SCFD1: variants seen among roughly 807,000 people sequenced by gnomAD.
The protein encoded by SCFD1 is sec1 family domain-containing protein 1.
SCFD1 carries 37 observed loss-of-function variants against 103.2 expected under a neutral mutation model. The ratio of observed to expected loss-of-function variants is 0.36; its 90% CI spans 0.28 to 0.47. The LOEUF (loss-of-function observed/expected upper bound fraction) is 0.47, where lower values mean the gene tolerates loss of function less well. Among genes scored for constraint, SCFD1 ranks in the 20% least tolerant of loss-of-function variants. The probability of loss-of-function intolerance (pLI) is 1.00; values close to 1 mark genes in which losing one functional copy is unlikely to be tolerated. For synonymous variants in SCFD1, 264 were observed against 245.0 expected (o/e 1.08, Z -0.73); for missense variants, 639 against 761.2 (o/e 0.84, Z 1.89).
At chr14:30,658,027 G>A (rs907092866) in intron 10 of SCFD1, 1 of 450,742 alleles carries the variant, frequency 2.2e-6, no homozygotes, top group Non-Finnish European at 4.5e-6. Context: ...TGGGATATAA[G>A]AAGCAAAATT....
Position 30,700,244 on chromosome 14 carries a change from C to A in SCFD1, c.1396C>A (p.Gln466Lys). Residue 466 changes from glutamine to lysine, a missense_variant, in exon 16 of 25, where the codon CAA becomes AAA. Coordinates refer to ENST00000458591, the MANE Select transcript of SCFD1 (RefSeq NM_016106.4). ...TCTTATCTATTATATAAGCACACAG[C>A]AAGCACCTTCTGAGGTATGTCCTTT... ...LFLIYYISTQQAPSEADLEQY... is the reference protein window; with the variant it reads ...LFLIYYISTQKAPSEADLEQY... 6.2e-7 allele frequency: 1 copy of A among 1,605,304 alleles called. No individual in the cohort carries two copies. Among genetic ancestry groups the A allele is most frequent in the Non-Finnish European group, 8.5e-7 (1 of 1,172,158 alleles).
At chr14:30,710,085 G>A (rs1029340095) in intron 19 of SCFD1, among the ~76,000 whole-genome samples, 1 of 152,036 alleles carries the variant, frequency 6.6e-6, no homozygotes, top group Non-Finnish European at 1.5e-5. Flanking sequence ...TATGATACCT[G>A]TAAAAGACAT....
chr14:30,638,263 G>C lies in SCFD1; in HGVS notation c.435+16G>C, dbSNP rs1243955820. The C allele has an allele frequency of 1.2e-6, 2 of 1,612,618 alleles. No homozygotes were observed. The highest frequency in any genetic ancestry group is 1.7e-6 in the Non-Finnish European group (2 of 1,179,236). ...AGTAGCCAAGGTAAGAGAGTTTGGT[G>C]GGTTGATGACATTTTGTCAATGTAA... On this transcript the variant is annotated intron_variant, in intron 5 of 24. Transcript: ENST00000458591.
intron 10 of SCFD1, among the ~76,000 whole-genome samples, chr14:30,663,693 A>C (rs1271372410): frequency 1.3e-5 from 2 of 152,228 alleles, no homozygotes; most frequent in Non-Finnish European, 2.9e-5. Flanking sequence ...GATAGAATCT[A>C]ATTCCACTCA....
intron 15 of SCFD1, among the ~76,000 whole-genome samples, chr14:30,697,471 C>A (rs1310980810): frequency 6.6e-6 from 1 of 152,154 alleles, no homozygotes; most frequent in African/African-American, 2.4e-5. Flanking sequence ...TTTCAGAATA[C>A]CTCCCCACAA....
rs750864377 is a variant in SCFD1 at position 30,649,550 on chromosome 14, T to C, written c.636T>C (p.Cys212=). 1.1e-5 allele frequency: 17 copies of C among 1,575,742 alleles called. 1 individual carries two copies. In the South Asian group the frequency reaches 2.0e-4, roughly 19 times the overall value. ...TAGGTGCTGTTCCTATAATCAGATG[T>C]TCAAGAGGAACAGCAGCAGAAATGG... ...VTLGAVPIIR[C]SRGTAAEMVA... The change falls in exon 8 of 25, where the codon TGT becomes TGC. Residue 212 remains cysteine (C), a synonymous_variant. Transcript: ENST00000458591.
In SCFD1 at chr14:30,653,526, A is replaced by G; in HGVS notation, c.793A>G (p.Ile265Val). The G allele has an allele frequency of 6.2e-7, 1 of 1,613,764 alleles. No homozygotes were observed. The highest frequency in any genetic ancestry group is 1.3e-5 in the African/African-American group (1 of 75,044). ...RPLLVLVDRN[I>V]DLATPLHHTW... ...CTTATTAGTCCTTGTTGACAGAAAC[A>G]TAGATTTGGCAACTCCTTTACATCA... The change falls in exon 10 of 25, where the codon ATA becomes GTA. Residue 265 changes from isoleucine (I) to valine (V), a missense_variant. Ile to Val is a conservative substitution (Grantham distance 29). Transcript: ENST00000458591.
chr14:30,640,822 A>G (rs1198585105), intron 6 of SCFD1, among the ~76,000 whole-genome samples: 2 of 152,138 alleles, frequency 1.3e-5, no homozygotes, highest in African/African-American at 2.4e-5. Context: ...AAATATTCGT[A>G]TACTTATAAG....
chr14:30,627,106 G>T (rs1170942165), intron 1 of SCFD1, among the ~76,000 whole-genome samples: 1 of 152,124 alleles, frequency 6.6e-6, no homozygotes, highest in African/African-American at 2.4e-5. Context: ...ATTACAACTA[G>T]TATACTCTCT....
At chr14:30,717,889 A>AAAG (rs199795081) in intron 20 of SCFD1, among the ~76,000 whole-genome samples, 2,342 of 148,070 alleles carry the variant, frequency 0.016, 69 homozygotes, top group African/African-American at 0.057. Flanking sequence ...GCCTCAAAAA[A>AAAG]AAGAAAAAAA....
intron 10 of SCFD1, among the ~76,000 whole-genome samples, chr14:30,657,254 C>T (rs1566603362): frequency 6.6e-6 from 1 of 152,008 alleles, no homozygotes; most frequent in Non-Finnish European, 1.5e-5. Flanking sequence ...AGATAAGACA[C>T]ATGTACAAAT....
At chr14:30,722,842 C>CAA (rs56169449) in intron 23 of SCFD1, 3,857 of 181,050 alleles carry the variant, frequency 0.021, 51 homozygotes, top group Middle Eastern at 0.03. Flanking sequence ...GACCTCTTCC[C>CAA]AAAAAAAAAA....
At chr14:30,634,362 A>G (rs1488110968) in intron 4 of SCFD1, among the ~76,000 whole-genome samples, 1 of 152,178 alleles carries the variant, frequency 6.6e-6, no homozygotes, top group African/African-American at 2.4e-5. Flanking sequence ...TTTCTGTAAT[A>G]TATTTCATTA....
intron 11 of SCFD1, among the ~76,000 whole-genome samples, chr14:30,672,430 G>T (rs532099732): frequency 6.6e-6 from 1 of 152,124 alleles, no homozygotes; most frequent in African/African-American, 2.4e-5. Context: ...TTATTAGAGA[G>T]GTATTTTCAG....
rs568525849 is a variant in SCFD1, at chr14:30,728,905, C to T, written c.1837-5885C>T. On this transcript the variant is annotated intron_variant, in intron 23 of 24. Coordinates refer to ENST00000458591, the MANE Select transcript of SCFD1 (RefSeq NM_016106.4). Reference sequence around the variant, plus strand: ...TGTCACCCAGGCTGGAGTGCAGTGGCGCAATTTTGGCTCACTGCAGCCTCT... The same window carrying T: ...TGTCACCCAGGCTGGAGTGCAGTGGTGCAATTTTGGCTCACTGCAGCCTCT... Among the ~76,000 whole-genome samples, 86 of 142,168 alleles carry T rather than the reference C, an allele frequency of 6.0e-4. 1 individual carries two copies. The highest frequency in any genetic ancestry group is 1.9e-3 in the African/African-American group (71 of 38,026). 93.3% of individuals were successfully genotyped at this position (142,168 alleles called of 152,430 possible). A position where few individuals can be genotyped will look rare whatever the true frequency, so the allele number is the denominator to read the frequency against.
At chr14:30,674,120 G>A (rs1423080041) in intron 13 of SCFD1, 123 bp downstream of exon 13, 7 of 648,682 alleles carry the variant, frequency 1.1e-5, no homozygotes, top group Non-Finnish European at 1.6e-5. Flanking sequence ...ATATAACTTT[G>A]AATTTAAAGA....
chr14:30,641,583 G>A (rs1885281197), intron 6 of SCFD1, among the ~76,000 whole-genome samples: 1 of 152,180 alleles, frequency 6.6e-6, no homozygotes, highest in African/African-American at 2.4e-5. Context: ...AATGAATTGG[G>A]TATGTTTCCT....
chr14:30,649,837 A>G (rs1292546039), intron 8 of SCFD1, among the ~76,000 whole-genome samples: 3 of 152,120 alleles, frequency 2.0e-5, no homozygotes, highest in South Asian at 2.1e-4. Context: ...ACTAAAATGT[A>G]TATTCCTCAT....
chr14:30,674,477 C>T (rs1160859057), intron 13 of SCFD1, among the ~76,000 whole-genome samples: 1 of 151,938 alleles, frequency 6.6e-6, no homozygotes, highest in Non-Finnish European at 1.5e-5. Context: ...TCCATCTCTA[C>T]TTAAAAAAAT....
Sources: allele counts gnomAD v4.1 joint callset (sites outside exome capture counted in the v4.1 genomes callset), GRCh38; gene constraint gnomAD v4.1.1; transcripts MANE v1.5; gene names NCBI Gene and HGNC (gene_info 2026-07-23, HGNC 2026-07-21).